PITPNA: variants seen among roughly 807,000 people sequenced by gnomAD.
PITPNA encodes phosphatidylinositol transfer protein alpha isoform.
Under a neutral mutation model 50.3 loss-of-function variants are expected in PITPNA, and 13 were observed. The observed-to-expected ratio is 0.26, with a 90% CI of 0.17 to 0.41. PITPNA has a LOEUF of 0.41. Among genes scored for constraint, PITPNA ranks in the 10% least tolerant of loss-of-function variants. The pLI, the probability that PITPNA is intolerant of heterozygous loss-of-function variation, is 1.00. For missense variants in PITPNA, 207 were observed against 333.4 expected, an observed-to-expected ratio of 0.62 and a Z score of 2.95; for synonymous variants, 120 against 119.6, an observed-to-expected ratio of 1.00 and a Z score of -0.02.
chr17:1,543,005 C>T lies in PITPNA; in HGVS notation c.297+15G>A. The T allele has an allele frequency of 6.3e-7, 1 of 1,580,570 alleles. No homozygotes were observed. Among genetic ancestry groups the T allele is most frequent in the Non-Finnish European group, 8.6e-7 (1 of 1,164,500 alleles). ...ATACATCATCTACAGTTCCAACCCC[C>T]TTGACAATACTTACTGTAATAACTG... On this transcript the variant is annotated intron_variant, in intron 5 of 11. Transcript: ENST00000313486.
chr17:1,529,666 G>C (rs1233028440), intron 10 of PITPNA, among the ~76,000 whole-genome samples: 3 of 151,738 alleles, frequency 2.0e-5, no homozygotes, highest in Non-Finnish European at 2.9e-5. Context: ...ACCAGCCCGG[G>C]CAACATGGGG....
chr17:1,546,805 A>T (rs2075676904), intron 4 of PITPNA, among the ~76,000 whole-genome samples: 1 of 152,192 alleles, frequency 6.6e-6, no homozygotes, highest in Admixed American at 6.5e-5. Context: ...AAATTTAAGA[A>T]TGTCTGGACT....
chr17:1,538,534 T>C (rs996138282), intron 7 of PITPNA: 9 of 189,534 alleles, frequency 4.7e-5, no homozygotes, highest in Non-Finnish European at 3.2e-5. Context: ...TTTTTTTAAT[T>C]ACTGAGTTGG....
At chr17:1,520,757 A>G (rs2075506178) in intron 11 of PITPNA, among the ~76,000 whole-genome samples, 2 of 152,150 alleles carry the variant, frequency 1.3e-5, no homozygotes, top group African/African-American at 4.8e-5. Flanking sequence ...CTTTGGGAAC[A>G]TGGGGCAGGG....
intron 11 of PITPNA, 139 bp downstream of exon 11, chr17:1,521,440 G>C (rs1010140050): frequency 3.0e-6 from 2 of 664,550 alleles, no homozygotes; most frequent in Admixed American, 4.6e-5. Flanking sequence ...TGGAAGTGGA[G>C]AGCTATCGAG....
chr17:1,536,426 G>A (rs555333457), intron 7 of PITPNA, among the ~76,000 whole-genome samples: 7 of 146,492 alleles, frequency 4.8e-5, no homozygotes, highest in East Asian at 2.1e-4. Flanking sequence ...CAACTGGGAC[G>A]ACAGGTGCCC....
At position 1,544,208 on chromosome 17, in the gene PITPNA, C is replaced by G. The variant is rs1202341050; in HGVS notation, c.290-1181G>C. ...CTGATCACTCAGCCAAGCGGACATT[C>G]TTTGCCACACATTGGCATTCTGATT... On this transcript the variant is annotated intron_variant, in intron 4 of 11. Transcript: ENST00000313486. Among the ~76,000 whole-genome samples, 3 of 152,248 alleles carry G rather than the reference C, an allele frequency of 2.0e-5. No homozygotes were observed. In the South Asian group the frequency reaches 6.2e-4, roughly 31 times the overall value.
Position 1,535,165 on chromosome 17 carries a change from T to G in PITPNA, c.645+17A>C, listed in dbSNP as rs1290503638. 1.3e-6 allele frequency: 2 copies of G among 1,518,828 alleles called. No homozygotes were observed. The highest frequency in any genetic ancestry group is 3.3e-5 in the Admixed American group (2 of 59,710). 94.1% of individuals were successfully genotyped at this position (1,518,828 alleles called of 1,614,324 possible). A position where few individuals can be genotyped will look rare whatever the true frequency, so the allele number is the denominator to read the frequency against. ...CACACACGCAGTCACTGGGAAGGCCTCAGCCGAGCTACTTACCTTATGGAT... is the reference window on the plus strand; with the variant it reads ...CACACACGCAGTCACTGGGAAGGCCGCAGCCGAGCTACTTACCTTATGGAT... On this transcript the variant is annotated intron_variant, in intron 9 of 11. Coordinates refer to ENST00000313486, the MANE Select transcript of PITPNA (RefSeq NM_006224.4).
chr17:1,524,911 G>A (rs945994890), intron 10 of PITPNA, among the ~76,000 whole-genome samples: 1 of 152,144 alleles, frequency 6.6e-6, no homozygotes, highest in Non-Finnish European at 1.5e-5. Context: ...CGTGGAGTAT[G>A]CACTGAGTAT....
chr17:1,540,416 T>G (rs1325813255), intron 6 of PITPNA, among the ~76,000 whole-genome samples: 2 of 152,232 alleles, frequency 1.3e-5, no homozygotes, highest in African/African-American at 2.4e-5. Flanking sequence ...TGTGCGTGGA[T>G]TTTTCTTTTA....
intron 4 of PITPNA, among the ~76,000 whole-genome samples, chr17:1,547,854 C>CGTG (rs2075685013): frequency 1.3e-5 from 2 of 151,750 alleles, no homozygotes; most frequent in Non-Finnish European, 2.9e-5. Context: ...ATTAGCCAGG[C>CGTG]GTGGCGGTAT....
chr17:1,559,141 G>A (rs1156582839), intron 1 of PITPNA, among the ~76,000 whole-genome samples: 1 of 152,138 alleles, frequency 6.6e-6, no homozygotes, highest in African/African-American at 2.4e-5. Flanking sequence ...CAAGCCCCTT[G>A]AAGCCTAAGA....
rs764419878 is a variant in PITPNA at position 1,548,277 on chromosome 17, T to C, written c.289+19A>G. On this transcript the variant is annotated intron_variant, in intron 4 of 11. Transcript: ENST00000313486. ...GCTGCCCGCCCCTGCCTGGCCGACGTGGCCCCGGCTGCACTCACCGGTTCT... is the reference window on the plus strand; with the variant it reads ...GCTGCCCGCCCCTGCCTGGCCGACGCGGCCCCGGCTGCACTCACCGGTTCT... The C allele has an allele frequency of 1.3e-6, 2 of 1,554,256 alleles. No homozygotes were observed. The highest frequency in any genetic ancestry group is 1.8e-6 in the Non-Finnish European group (2 of 1,140,302).
intron 10 of PITPNA, among the ~76,000 whole-genome samples, chr17:1,526,632 C>A (rs1300728219): frequency 1.3e-5 from 2 of 152,228 alleles, no homozygotes; most frequent in Non-Finnish European, 2.9e-5. Flanking sequence ...GCTTCAGTTA[C>A]TAATGCAAAG....
intron 7 of PITPNA, 167 bp from the exon 8 acceptor site, chr17:1,535,685 C>A (rs1276725058): frequency 1.6e-6 from 1 of 626,054 alleles, no homozygotes; most frequent in African/African-American, 1.8e-5. Flanking sequence ...TTTACATTAG[C>A]CTCAGAGGAG....
At chr17:1,561,592 C>A (rs149107347) in intron 1 of PITPNA, among the ~76,000 whole-genome samples, 51 of 152,234 alleles carry the variant, frequency 3.4e-4, no homozygotes, top group African/African-American at 1.2e-3. Context: ...CACTTCGGAC[C>A]CTACCCAACA....
chr17:1,521,734 A>G, intron 10 of PITPNA, 89 bp from the exon 11 acceptor site: 2 of 1,061,902 alleles, frequency 1.9e-6, no homozygotes, highest in South Asian at 1.3e-5. Context: ...GGGGTGGGGC[A>G]TATTTTGTGT....
At chr17:1,543,138 C>T (rs1438731401) in intron 4 of PITPNA, 111 bp from the exon 5 acceptor site, 3 of 802,974 alleles carry the variant, frequency 3.7e-6, no homozygotes, top group East Asian at 5.6e-5. Context: ...GTACTTTACT[C>T]CCTGTGGCTT....
intron 1 of PITPNA, 46 bp from the exon 2 acceptor site, chr17:1,558,605 TGCTCAAG>T: frequency 4.4e-6 from 6 of 1,361,586 alleles, no homozygotes; most frequent in Non-Finnish European, 6.3e-6. Flanking sequence ...CTGTGCAATC[TGCTCAAG>T]GCTCTTTAAA....
Sources: allele counts gnomAD v4.1 joint callset (sites outside exome capture counted in the v4.1 genomes callset), GRCh38; gene constraint gnomAD v4.1.1; transcripts MANE v1.5; gene names NCBI Gene and HGNC (gene_info 2026-07-23, HGNC 2026-07-21).